The following ZBTB43 variants were observed in gnomAD, a reference collection of about 807,000 sequenced individuals.
The protein encoded by ZBTB43 is zinc finger and BTB domain containing 43.
Under a neutral mutation model 31.1 loss-of-function variants are expected in ZBTB43, and 6 were observed. The observed-to-expected ratio is 0.19, with a 90% confidence interval of 0.11 to 0.38. The LOEUF is 0.38. Ranked by LOEUF, ZBTB43 falls within the 10% of genes least tolerant of loss-of-function variation. The pLI is 1.00. For missense variants in ZBTB43, 379 were observed against 602.1 expected, an observed-to-expected ratio of 0.63 and a Z score of 3.88; for synonymous variants, 212 against 221.7, an observed-to-expected ratio of 0.96 and a Z score of 0.39.
chr9:126,826,717 G>T (rs2032649233), intron 2 of ZBTB43, among the ~76,000 whole-genome samples: 1 of 151,236 alleles, frequency 6.6e-6, no homozygotes, highest in African/African-American at 2.4e-5. Context: ...TCACGCCTCA[G>T]CTTCCCAAAG....
At position 126,818,332 on chromosome 9, in the gene ZBTB43, C is replaced by G. The variant is rs1340184318; in HGVS notation, c.-24+9417C>G. On this transcript the variant is annotated intron_variant, in intron 2 of 2. Coordinates refer to ENST00000373464, the MANE Select transcript of ZBTB43 (RefSeq NM_014007.4). ...ATATATATTTAGAAACAAGGTCTTG[C>G]TGTGTCGTCCAGGCTGGACTCAAAC... 2.0e-5 allele frequency among the ~76,000 whole-genome samples: 3 copies of G among 151,562 alleles called. No individual in the cohort carries two copies. The East Asian group carries it at 5.8e-4, about 29-fold the overall frequency.
intron 2 of ZBTB43, among the ~76,000 whole-genome samples, chr9:126,816,040 T>G (rs951099280): frequency 2.8e-4 from 43 of 152,204 alleles, no homozygotes; most frequent in African/African-American, 9.4e-4. Flanking sequence ...TGGAATTAAT[T>G]TGTCCCCACT....
chr9:126,834,016 C>A lies in ZBTB43; in HGVS notation c.*103C>A. On this transcript the variant is annotated 3_prime_UTR_variant, in exon 3 of 3. Coordinates refer to ENST00000373464, the MANE Select transcript of ZBTB43 (RefSeq NM_014007.4). ...GTGCTACTTGCTATTATGAGAGAAG[C>A]TTAAAAAAAAAAAGGAAGATATTTC... The A allele has an allele frequency of 1.7e-6, 2 of 1,193,998 alleles. No individual in the cohort carries two copies. The highest frequency in any genetic ancestry group is 1.5e-5 in the African/African-American group (1 of 65,096). 74.0% of individuals were successfully genotyped at this position (1,193,998 alleles called of 1,614,324 possible).
At chr9:126,828,654 A>AATTATTATTATTATTATT (rs59664603) in intron 2 of ZBTB43, among the ~76,000 whole-genome samples, 2 of 127,740 alleles carry the variant, frequency 1.6e-5, no homozygotes, top group African/African-American at 6.3e-5. Context: ...TAATAATAAT[A>AATTATTATTATTATTATT]ATTATTATTA....
rs535357844 is a variant in ZBTB43 at position 126,828,778 on chromosome 9, AT to A, written c.-23-3708del. On this transcript the variant is annotated intron_variant, in intron 2 of 2. Coordinates refer to ENST00000373464, the MANE Select transcript of ZBTB43 (RefSeq NM_014007.4). ...ATGTAAATTTCATCTTGGCAAAAAA[AT>A]CTATAAAATCAGCTAACTGAAAAAA... is the stretch of plus-strand genomic sequence containing the variant. Among the ~76,000 whole-genome samples the A allele has an allele frequency of 2.9e-3, 445 of 151,924 alleles. 3 individuals are homozygous for A. The highest frequency in any genetic ancestry group is 0.01 in the African/African-American group (427 of 41,460).
intron 1 of ZBTB43, among the ~76,000 whole-genome samples, 172 bp downstream of exon 1, chr9:126,805,304 T>G (rs540870006): frequency 3.3e-4 from 50 of 152,290 alleles, no homozygotes; most frequent in South Asian, 6.2e-4. Context: ...GCGCTCCAGC[T>G]CCGAATCCCG....
intron 2 of ZBTB43, among the ~76,000 whole-genome samples, chr9:126,823,860 C>T (rs913105686): frequency 2.6e-5 from 4 of 152,302 alleles, no homozygotes. Flanking sequence ...TTAGTACAGT[C>T]ACAGCAAAGT....
intron 2 of ZBTB43, among the ~76,000 whole-genome samples, chr9:126,821,376 T>TA (rs1280840914): frequency 6.0e-5 from 9 of 150,126 alleles, no homozygotes; most frequent in African/African-American, 9.8e-5. Flanking sequence ...ACTCTGTCTT[T>TA]AAAAAAAAAG....
chr9:126,835,712 A>G lies in ZBTB43; in HGVS notation c.*1799A>G, dbSNP rs2032864296. 2 of 165,890 alleles carry G rather than the reference A, an allele frequency of 1.2e-5. No individual in the cohort carries two copies. The highest frequency in any genetic ancestry group is 4.9e-5 in the African/African-American group (2 of 40,948). 10.3% of individuals were successfully genotyped at this position (165,890 alleles called of 1,614,324 possible). On this transcript the variant is annotated 3_prime_UTR_variant, in exon 3 of 3. Coordinates refer to ENST00000373464, the MANE Select transcript of ZBTB43 (RefSeq NM_014007.4). ...AGCACTTTGTATTTAAAACTTTATT[A>G]TAAATATATATATATATTGTTTTTT...
intron 2 of ZBTB43, among the ~76,000 whole-genome samples, chr9:126,828,655 AT>A (rs1306299871): frequency 7.6e-6 from 1 of 132,090 alleles, no homozygotes; most frequent in Non-Finnish European, 1.6e-5. Context: ...AATAATAATA[AT>A]TATTATTATT....
At chr9:126,827,648 C>T (rs2032671590) in intron 2 of ZBTB43, among the ~76,000 whole-genome samples, 1 of 152,212 alleles carries the variant, frequency 6.6e-6, no homozygotes, top group Non-Finnish European at 1.5e-5. Flanking sequence ...CCACCATTTT[C>T]CATAACCTCC....
At chr9:126,814,234 G>T (rs986554034) in intron 2 of ZBTB43, among the ~76,000 whole-genome samples, 14 of 14,028 alleles carry the variant, frequency 1.0e-3, no homozygotes, top group Admixed American at 8.3e-3. Context: ...TGAATTATAG[G>T]TTTCATCAGT....
chr9:126,824,833 T>C (rs1233065816), intron 2 of ZBTB43, among the ~76,000 whole-genome samples: 3 of 152,234 alleles, frequency 2.0e-5, no homozygotes, highest in African/African-American at 7.2e-5. Flanking sequence ...TTGACCATTA[T>C]ATATTTCTTC....
intron 2 of ZBTB43, among the ~76,000 whole-genome samples, chr9:126,823,930 T>C (rs770717136): frequency 6.6e-6 from 1 of 152,250 alleles, no homozygotes; most frequent in Non-Finnish European, 1.5e-5. Context: ...TTATATATTG[T>C]GTAATGTGTA....
intron 2 of ZBTB43, among the ~76,000 whole-genome samples, chr9:126,823,116 G>A (rs1044997799): frequency 2.6e-5 from 4 of 152,066 alleles, no homozygotes; most frequent in South Asian, 2.1e-4. Flanking sequence ...CTTTATAGCA[G>A]GCTTAACTGG....
At chr9:126,830,892 GC>G (rs2119165606) in intron 2 of ZBTB43, among the ~76,000 whole-genome samples, 1 of 152,210 alleles carries the variant, frequency 6.6e-6, no homozygotes, top group South Asian at 2.1e-4. Context: ...CACAGGCAAT[GC>G]CTTAGTCTTC....
chr9:126,804,875 G>C (rs73668416), upstream of ZBTB43: 18,392 of 152,586 alleles, frequency 0.12, 3,489 homozygotes, highest in African/African-American at 0.4. Context: ...CCGCTCCAGA[G>C]TGTACTGCGC....
chr9:126,827,113 T>G (rs2032658308), intron 2 of ZBTB43, among the ~76,000 whole-genome samples: 1 of 152,256 alleles, frequency 6.6e-6, no homozygotes. Context: ...TTTTCCTATT[T>G]TGTAAAGTCT....
At chr9:126,828,629 AAAT>A (rs369536989) in intron 2 of ZBTB43, among the ~76,000 whole-genome samples, 209 of 141,074 alleles carry the variant, frequency 1.5e-3, no homozygotes, top group Non-Finnish European at 2.0e-3. Context: ...CCCCATCTCT[AAAT>A]AATAATAATA....
Sources: allele counts gnomAD v4.1 joint callset (sites outside exome capture counted in the v4.1 genomes callset), GRCh38; gene constraint gnomAD v4.1.1; transcripts MANE v1.5; gene names NCBI Gene and HGNC (gene_info 2026-07-23, HGNC 2026-07-21).